Variants in USP32 observed in about 807,000 individuals in gnomAD.
USP32 encodes ubiquitin carboxyl-terminal hydrolase 32.
Under a neutral mutation model 204.8 loss-of-function variants are expected in USP32, and 59 were observed. The ratio of observed to expected loss-of-function variants is 0.29; its 90% CI spans 0.23 to 0.36. The LOEUF is 0.36. Among genes scored for constraint, USP32 ranks in the 10% least tolerant of loss-of-function variants. The probability of loss-of-function intolerance (pLI) is 1.00; values close to 1 mark genes in which losing one functional copy is unlikely to be tolerated. For missense variants in USP32, 1,160 were observed against 1,946.4 expected, an observed-to-expected ratio of 0.60 and a Z score of 7.60; for synonymous variants, 517 against 678.4, an observed-to-expected ratio of 0.76 and a Z score of 3.70.
chr17:60,292,025 A>G (rs1314815783), intron 4 of USP32, among the ~76,000 whole-genome samples: 1 of 151,600 alleles, frequency 6.6e-6, no homozygotes, highest in Non-Finnish European at 1.5e-5. Flanking sequence ...TACACCAATG[A>G]CCTACCTGCA....
chr17:60,301,550 A>G, intron 3 of USP32, 49 bp downstream of exon 3: 2 of 1,188,518 alleles, frequency 1.7e-6, no homozygotes, highest in Non-Finnish European at 2.3e-6. Context: ...TTTGAGATAA[A>G]TTATTCTGTA....
rs1307789444 is a variant in USP32 at position 60,413,861 on chromosome 17, C to CAAAAAAAAAAA, written c.106+8374_106+8384dup. Among the ~76,000 whole-genome samples, 40 of 31,716 alleles carry CAAAAAAAAAAA rather than the reference C, an allele frequency of 1.3e-3. 1 individual carries two copies. The highest frequency in any genetic ancestry group is 4.6e-3 in the African/African-American group (39 of 8,514). The allele number at this position is 31,716 out of a possible 152,430, so 20.8% of individuals were successfully genotyped here. A position where few individuals can be genotyped will look rare whatever the true frequency, so the allele number is the denominator to read the frequency against. ...GCCTGGCGACAGCTAGATTCTGTCTCAAAAAAAAAAAAAAGAAAAAAAAAA... is the reference window on the plus strand; with the variant it reads ...GCCTGGCGACAGCTAGATTCTGTCTCAAAAAAAAAAAAAAAAAAAAAAAAAGAAAAAAAAAA... On this transcript the variant is annotated intron_variant, in intron 1 of 3. Transcript: ENST00000588898.
intron 1 of USP32, among the ~76,000 whole-genome samples, chr17:60,418,832 C>T (rs1428039773): frequency 6.6e-6 from 1 of 152,084 alleles, no homozygotes; most frequent in Non-Finnish European, 1.5e-5. Context: ...TCACACCAGT[C>T]AGAATGATGA....
chr17:60,344,759 A>C (rs2088744826), intron 2 of USP32, among the ~76,000 whole-genome samples: 1 of 152,202 alleles, frequency 6.6e-6, no homozygotes, highest in African/African-American at 2.4e-5. Flanking sequence ...CCAGCCAATA[A>C]ATTTTATTCT....
rs576246445 is a variant in USP32, at chr17:60,252,405, G to A, written c.1112C>T (p.Pro371Leu). 23 of 1,608,482 alleles carry A rather than the reference G, an allele frequency of 1.4e-5. No homozygotes were observed. Among genetic ancestry groups the A allele is most frequent in the East Asian group, 9.0e-5 (4 of 44,478 alleles). Reference protein sequence around the residue: ...HIVLGLRPATPEEEGQIIRGW... With the variant: ...HIVLGLRPATLEEEGQIIRGW... Reference sequence around the variant, plus strand: ...CCTAATAATTTGTCCTTCTTCTTCCGGAGTAGCTGGTCTTAACCCCAGAAC... The same window carrying A: ...CCTAATAATTTGTCCTTCTTCTTCCAGAGTAGCTGGTCTTAACCCCAGAAC... Residue 371 changes from proline to leucine, a missense_variant, in exon 11 of 34, where the codon CCG (proline) becomes CTG (leucine). Physicochemically the swap from Pro to Leu is moderately conservative, Grantham distance 98 (BLOSUM62 -3). This residue lies in a region of USP32 where 536 missense variants were observed against 680.9 expected (regional missense o/e 0.79). Transcript: ENST00000300896.
intron 13 of USP32, among the ~76,000 whole-genome samples, chr17:60,225,692 G>A (rs1397362793): frequency 1.3e-5 from 2 of 152,054 alleles, no homozygotes; most frequent in African/African-American, 4.8e-5. Context: ...GGTGGCTCAC[G>A]CCTGTAATCC....
At chr17:60,202,105 G>C (rs1361590449) in intron 26 of USP32, among the ~76,000 whole-genome samples, 1 of 152,130 alleles carries the variant, frequency 6.6e-6, no homozygotes, top group Non-Finnish European at 1.5e-5. Flanking sequence ...TGTGGTGAAA[G>C]GTAGGTGCCA....
At chr17:60,202,197 T>C (rs1598055368) in intron 26 of USP32, among the ~76,000 whole-genome samples, 1 of 152,212 alleles carries the variant, frequency 6.6e-6, no homozygotes, top group Admixed American at 6.5e-5. Flanking sequence ...ATGTTATCTT[T>C]GTTATAAATC....
intron 16 of USP32, among the ~76,000 whole-genome samples, chr17:60,218,081 G>A (rs1320498964): frequency 1.3e-5 from 2 of 152,158 alleles, no homozygotes; most frequent in South Asian, 2.1e-4. Flanking sequence ...ACAAAGTTTG[G>A]TAGACAGGGG....
At chr17:60,199,146 GA>G (rs35824527) in intron 26 of USP32, among the ~76,000 whole-genome samples, 26,103 of 135,384 alleles carry the variant, frequency 0.19, 5,399 homozygotes, top group African/African-American at 0.52. Flanking sequence ...GATGCCAGTG[GA>G]AAAAAAAAAA....
chr17:60,347,018 C>G (rs752319678), intron 1 of USP32, among the ~76,000 whole-genome samples: 7 of 152,066 alleles, frequency 4.6e-5, no homozygotes, highest in Admixed American at 1.3e-4. Flanking sequence ...GAGAAAAAAA[C>G]ACAGTGAGAT....
Position 60,363,165 on chromosome 17 carries a change from T to A in USP32, c.59-17557A>T, listed in dbSNP as rs191619265. Among the ~76,000 whole-genome samples, 47 of 151,348 alleles carry A rather than the reference T, an allele frequency of 3.1e-4. No homozygotes were observed. In the East Asian group the frequency reaches 5.3e-3, roughly 17 times the overall value. On this transcript the variant is annotated intron_variant, in intron 1 of 33. Transcript: ENST00000300896. ...TTAAATTTTTTAAATTAAAAAAAAATTTTTTGAGGCCAGGCGCGGTGGCTC... is the reference window on the plus strand; with the variant it reads ...TTAAATTTTTTAAATTAAAAAAAAAATTTTTGAGGCCAGGCGCGGTGGCTC...
At chr17:60,254,765 T>C (rs1021408976) in intron 10 of USP32, among the ~76,000 whole-genome samples, 3 of 152,144 alleles carry the variant, frequency 2.0e-5, no homozygotes, top group Admixed American at 2.0e-4. Flanking sequence ...CTCCTTATGA[T>C]TCATCTTTCT....
chr17:60,306,000 C>T (rs1257395617), intron 2 of USP32, among the ~76,000 whole-genome samples: 1 of 151,984 alleles, frequency 6.6e-6, no homozygotes, highest in Non-Finnish European at 1.5e-5. Context: ...CTAGGATGTA[C>T]ATATTTTCCG....
At chr17:60,245,328 T>C in intron 11 of USP32, 1 of 361,672 alleles carries the variant, frequency 2.8e-6, no homozygotes, top group Non-Finnish European at 5.4e-6. Context: ...GATTGGTGAC[T>C]CTGATGGCCA....
At chr17:60,392,520 G>C, upstream of USP32, 1 of 322,586 alleles carries the variant, frequency 3.1e-6, no homozygotes, top group Non-Finnish European at 6.4e-6. Flanking sequence ...GGCGTTCGGC[G>C]GGTGGGGTCC....
Position 60,208,822 on chromosome 17 carries a change from C to T in USP32, c.2605G>A (p.Asp869Asn). 6.3e-7 allele frequency: 1 copy of T among 1,579,822 alleles called. No homozygotes were observed. Among genetic ancestry groups the T allele is most frequent in the South Asian group, 1.2e-5 (1 of 84,638 alleles). ...GATCTATTTCTTCTTAGATGGTTGT[C>T]CCAGGCCTAGCAATAAAAAAGATGA... ...PDWEVAAEAWDNHLRRNRSIV... is the reference protein window; with the variant it reads ...PDWEVAAEAWNNHLRRNRSIV... Residue 869 changes from aspartate (D) to asparagine (N), a missense_variant, in exon 23 of 34, where the codon GAC (aspartate) becomes AAC (asparagine). Transcript: ENST00000300896.
In USP32 at chr17:60,202,443, TCACACA is replaced by T. The variant is rs377613629; in HGVS notation, c.3249+2998_3249+3003del. Among the ~76,000 whole-genome samples the T allele has an allele frequency of 4.4e-3, 619 of 140,738 alleles. 3 individuals carry two copies. The highest frequency in any genetic ancestry group is 0.014 in the African/African-American group (545 of 38,232). 92.3% of individuals were successfully genotyped at this position (140,738 alleles called of 152,430 possible). A position where few individuals can be genotyped will look rare whatever the true frequency, so the allele number is the denominator to read the frequency against. ...CACATATGAGAATCAGCTTATCAAA[TCACACA>T]CACACACACACACACACACACACAC... On this transcript the variant is annotated intron_variant, in intron 26 of 33. Transcript: ENST00000300896.
At chr17:60,421,620 A>C (rs2090115495) in intron 1 of USP32, 1 of 978,088 alleles carries the variant, frequency 1.0e-6, no homozygotes, top group Admixed American at 6.2e-5. Flanking sequence ...CGTCGCCGGG[A>C]CCCCGCCGTG....
Sources: gnomAD v4.1 joint callset for allele counts (sites outside exome capture counted in the v4.1 genomes callset) on GRCh38, gnomAD v4.1.1 for gene constraint, gnomAD v4.1.1 regional missense constraint, MANE v1.5 for transcripts, NCBI Gene and HGNC (gene_info 2026-07-23, HGNC 2026-07-21) for gene names.